Variants in DNM2 observed in about 807,000 individuals in gnomAD.
The protein encoded by DNM2 is dynamin-2.
DNM2 carries 15 observed loss-of-function variants against 99.0 expected under a neutral mutation model. The observed-to-expected ratio is 0.15, with a 90% CI of 0.10 to 0.23. The LOEUF (loss-of-function observed/expected upper bound fraction) is 0.23, where lower values mean the gene tolerates loss of function less well. Ranked by LOEUF, DNM2 falls within the 10% of genes least tolerant of loss-of-function variation. The pLI is 1.00. For synonymous variants in DNM2, 525 were observed against 481.2 expected (o/e 1.09, Z -1.19); for missense variants, 742 against 1,189.4 (o/e 0.62, Z 5.53).
rs977018866 is a variant in DNM2, at chr19:10,830,635, T to C, written c.2543+257T>C. 5.0e-6 allele frequency: 3 copies of C among 594,580 alleles called. No homozygotes were observed. The East Asian group carries it at 8.5e-5, about 17-fold the overall frequency. 36.8% of individuals were successfully genotyped at this position (594,580 alleles called of 1,614,324 possible). On this transcript the variant is annotated intron_variant, in intron 20 of 20. Coordinates refer to ENST00000389253, the MANE Select transcript of DNM2 (RefSeq NM_001005361.3). The surrounding 1 kb of genome is among the most constrained non-coding windows in gnomAD (Gnocchi z 4.8). ...CTACTGGGGTGTGCCACCAGGCAGCTGGGGAACCCTCACACTGGGCACCTC... is the reference window on the plus strand; with the variant it reads ...CTACTGGGGTGTGCCACCAGGCAGCCGGGGAACCCTCACACTGGGCACCTC...
chr19:10,750,393 C>T (rs2070150217), intron 1 of DNM2, among the ~76,000 whole-genome samples: 1 of 151,758 alleles, frequency 6.6e-6, no homozygotes, highest in South Asian at 2.1e-4. Flanking sequence ...GTGGGAAGTT[C>T]ACTAGGGTCC....
rs1367769998 is a variant in DNM2, at chr19:10,817,800, C to A, written c.1672-2180C>A. 7.2e-6 allele frequency among the ~76,000 whole-genome samples: 1 copy of A among 139,360 alleles called. No individual in the cohort carries two copies. The highest frequency in any genetic ancestry group is 2.6e-5 in the African/African-American group (1 of 38,504). 91.4% of individuals were successfully genotyped at this position (139,360 alleles called of 152,430 possible). On this transcript the variant is annotated intron_variant, in intron 15 of 20. Transcript: ENST00000389253. The surrounding 1 kb of genome is among the most constrained non-coding windows in gnomAD (Gnocchi z 4.6). ...GGTGGGGAGGAGGGGCGCACACACACGTGTGTGTGTGTGTGTGCGCGCGCG... is the reference window on the plus strand; with the variant it reads ...GGTGGGGAGGAGGGGCGCACACACAAGTGTGTGTGTGTGTGTGCGCGCGCG...
At position 10,765,108 on chromosome 19, in the gene DNM2, C is replaced by A. The variant is rs2070755921; in HGVS notation, c.235+5297C>A. Among the ~76,000 whole-genome samples, 1 of 152,084 alleles carries A rather than the reference C, an allele frequency of 6.6e-6. No individual in the cohort carries two copies. Among genetic ancestry groups the A allele is most frequent in the South Asian group, 2.1e-4 (1 of 4,832 alleles). Reference sequence around the variant, plus strand: ...GCGTAGCTGGGACTACAGGCGCCCGCCACCTCGCCCGGCTAATTTTTTTGT... The same window carrying A: ...GCGTAGCTGGGACTACAGGCGCCCGACACCTCGCCCGGCTAATTTTTTTGT... On this transcript the variant is annotated intron_variant, in intron 2 of 20. Transcript: ENST00000389253. This position sits in a 1 kb window ranked among gnomAD's most constrained non-coding sequence, Gnocchi z 4.4.
At chr19:10,776,965 G>T (rs997355175) in intron 4 of DNM2, among the ~76,000 whole-genome samples, 153 bp from the exon 5 acceptor site, 1 of 152,154 alleles carries the variant, frequency 6.6e-6, no homozygotes, top group Non-Finnish European at 1.5e-5. Context: ...TCGACATGTC[G>T]GAAACTGGGG....
intron 1 of DNM2, among the ~76,000 whole-genome samples, chr19:10,752,849 A>T (rs2070244183): frequency 6.6e-6 from 1 of 152,138 alleles, no homozygotes; most frequent in African/African-American, 2.4e-5. Flanking sequence ...CTCTACAAGA[A>T]ACTTAAGGTG....
At chr19:10,779,529 A>T (rs1442024335) in intron 5 of DNM2, among the ~76,000 whole-genome samples, 3 of 12,014 alleles carry the variant, frequency 2.5e-4, no homozygotes, top group Non-Finnish European at 5.8e-4. Context: ...TTTTTTTTTG[A>T]CGATGTCTTA....
chr19:10,732,756 C>T (rs942280297), intron 1 of DNM2, among the ~76,000 whole-genome samples: 6 of 152,124 alleles, frequency 3.9e-5, no homozygotes, highest in Non-Finnish European at 7.4e-5. Flanking sequence ...ACTCATCCAA[C>T]CAGTGAGCCT....
At chr19:10,806,964 C>T (rs189442903) in intron 13 of DNM2, among the ~76,000 whole-genome samples, 76 of 152,244 alleles carry the variant, frequency 5.0e-4, no homozygotes, top group Non-Finnish European at 7.9e-4. Context: ...TGAAGCCCCA[C>T]ACCTGGAGAA....
chr19:10,751,631 C>T (rs148252217), intron 1 of DNM2, among the ~76,000 whole-genome samples: 2,423 of 152,302 alleles, frequency 0.016, 33 homozygotes, highest in Non-Finnish European at 0.019. Context: ...AATGTTGGTG[C>T]CCTTTGCATG....
At chr19:10,786,362 A>G (rs1319454682) in intron 6 of DNM2, 2 of 838,070 alleles carry the variant, frequency 2.4e-6, no homozygotes, top group South Asian at 1.6e-5. Flanking sequence ...TCTTACACTC[A>G]TGGGCAGCTC....
chr19:10,734,473 G>A (rs537855898), intron 1 of DNM2, among the ~76,000 whole-genome samples: 48 of 146,768 alleles, frequency 3.3e-4, no homozygotes, highest in African/African-American at 1.2e-3. Context: ...GACCTCGTGT[G>A]TAGAAAAAAA....
intron 1 of DNM2, among the ~76,000 whole-genome samples, chr19:10,727,621 CG>C (rs113752580): frequency 0.084 from 12,739 of 152,166 alleles, 567 homozygotes; most frequent in Middle Eastern, 0.11. Context: ...TCTCCTGCCT[CG>C]GCTTCCCAAA....
rs954948728 is a variant in DNM2 at position 10,796,279 on chromosome 19, C to T, written c.1196+840C>T. 4 of 1,599,660 alleles carry T rather than the reference C, an allele frequency of 2.5e-6. No homozygotes were observed. The highest frequency in any genetic ancestry group is 3.4e-6 in the Non-Finnish European group (4 of 1,170,002). ...GTTTGGTATCAGGCTCCCAGCGCCT[C>T]ATTGGCCCCCACTGGTGCCTTTTCT... is the stretch of plus-strand genomic sequence containing the variant. On this transcript the variant is annotated intron_variant, in intron 9 of 20. Coordinates refer to ENST00000389253, the MANE Select transcript of DNM2 (RefSeq NM_001005361.3). This position sits in a 1 kb window ranked among gnomAD's most constrained non-coding sequence, Gnocchi z 5.6.
Position 10,831,163 on chromosome 19 carries a change from T to G in DNM2, c.*116T>G. ...GGACCAGGCTCCCAGTGGGCAGCCC[T>G]GGCCTCTTCCTTAACGCTGGCCCCG... On this transcript the variant is annotated 3_prime_UTR_variant, in exon 21 of 21. Coordinates refer to ENST00000389253, the MANE Select transcript of DNM2 (RefSeq NM_001005361.3). This position sits in a 1 kb window ranked among gnomAD's most constrained non-coding sequence, Gnocchi z 4.3. 4.2e-6 allele frequency: 6 copies of G among 1,441,968 alleles called. No homozygotes were observed. Among genetic ancestry groups the G allele is most frequent in the South Asian group, 2.9e-5 (2 of 69,798 alleles). 89.3% of individuals were successfully genotyped at this position (1,441,968 alleles called of 1,614,324 possible).
intron 1 of DNM2, among the ~76,000 whole-genome samples, chr19:10,722,733 C>T (rs1205350343): frequency 6.7e-6 from 1 of 150,244 alleles, no homozygotes; most frequent in Non-Finnish European, 1.5e-5. Context: ...TCAAGCGATT[C>T]TCCTACCTCT....
At chr19:10,743,644 A>C (rs754448839) in intron 1 of DNM2, among the ~76,000 whole-genome samples, 2 of 151,734 alleles carry the variant, frequency 1.3e-5, no homozygotes, top group Non-Finnish European at 2.9e-5. Context: ...CTCCGTCTCT[A>C]CTAAAAATAC....
At chr19:10,828,808 C>G (rs1478671592) in intron 18 of DNM2, among the ~76,000 whole-genome samples, 1 of 151,904 alleles carries the variant, frequency 6.6e-6, no homozygotes, top group Admixed American at 6.6e-5. Context: ...GCCTGTCGTC[C>G]TAGCTACTTG....
rs897297922 is a variant in DNM2 at position 10,787,280 on chromosome 19, C to T, written c.992+574C>T. On this transcript the variant is annotated intron_variant, in intron 7 of 20. Coordinates refer to ENST00000389253, the MANE Select transcript of DNM2 (RefSeq NM_001005361.3). Reference sequence around the variant, plus strand: ...AGGAGATCGAGACCATCCTGGCTAACGTGGTGAAACCCCATCACTACCAAA... The same window carrying T: ...AGGAGATCGAGACCATCCTGGCTAATGTGGTGAAACCCCATCACTACCAAA... Among the ~76,000 whole-genome samples, 6 of 151,872 alleles carry T rather than the reference C, an allele frequency of 4.0e-5. No individual in the cohort carries two copies. In the East Asian group the frequency reaches 5.8e-4, roughly 15 times the overall value.
chr19:10,796,640 C>T lies in DNM2; in HGVS notation c.1197-740C>T, dbSNP rs948736530. On this transcript the variant is annotated intron_variant, in intron 9 of 20. Transcript: ENST00000389253. This position sits in a 1 kb window ranked among gnomAD's most constrained non-coding sequence, Gnocchi z 5.6. ...CCTGGAGCCACCGACTTCTCTGTCC[C>T]TCAGCTCCGGGAATGGCCTGAATGC... Among the ~76,000 whole-genome samples the T allele has an allele frequency of 1.1e-4, 17 of 152,294 alleles. No homozygotes were observed. The highest frequency in any genetic ancestry group is 3.4e-3 in the Middle Eastern group (1 of 294).
Sources: gnomAD v4.1 joint callset for allele counts (sites outside exome capture counted in the v4.1 genomes callset) on GRCh38, gnomAD v4.1.1 for gene constraint, Gnocchi (gnomAD v3.1) non-coding constraint, MANE v1.5 for transcripts, NCBI Gene and HGNC (gene_info 2026-07-23, HGNC 2026-07-21) for gene names.